NLRP1: variants seen among roughly 807,000 people sequenced by gnomAD.
NLRP1 encodes NACHT, LRR and PYD domains-containing protein 1.
Under a neutral mutation model 136.7 loss-of-function variants are expected in NLRP1, and 94 were observed. The ratio of observed to expected loss-of-function variants is 0.69; its 90% CI spans 0.58 to 0.82. The LOEUF is 0.82. Among genes scored for constraint, NLRP1 ranks in the 40% least tolerant of loss-of-function variants. The pLI, the probability that NLRP1 is intolerant of heterozygous loss-of-function variation, is 0.00. For synonymous variants in NLRP1, 690 were observed against 725.1 expected (o/e 0.95, Z 0.78); for missense variants, 1,575 against 1,802.7 (o/e 0.87, Z 2.29).
intron 11 of NLRP1, among the ~76,000 whole-genome samples, 173 bp downstream of exon 11, chr17:5,532,649 A>G (rs1185489989): frequency 1.3e-5 from 2 of 152,236 alleles, no homozygotes; most frequent in Non-Finnish European, 2.9e-5. Context: ...CCATATGAAA[A>G]GCAGACACCC....
In NLRP1 at chr17:5,526,411, A is replaced by G. The variant is rs142648387; in HGVS notation, c.3520+4070T>C. 9.8e-4 allele frequency among the ~76,000 whole-genome samples: 149 copies of G among 152,302 alleles called. 1 individual carries two copies. The highest frequency in any genetic ancestry group is 3.3e-3 in the African/African-American group (139 of 41,562). ...AGGGATACCACTGTGGTTTCCAGCCATCTCATCTGGTTGAACTCCTGAGTA... is the reference window on the plus strand; with the variant it reads ...AGGGATACCACTGTGGTTTCCAGCCGTCTCATCTGGTTGAACTCCTGAGTA... On this transcript the variant is annotated intron_variant, in intron 12 of 16. Coordinates refer to ENST00000572272, the MANE Select transcript of NLRP1 (RefSeq NM_033004.4).
At chr17:5,564,938 T>C (rs1346608634) in intron 3 of NLRP1, among the ~76,000 whole-genome samples, 1 of 151,982 alleles carries the variant, frequency 6.6e-6, no homozygotes, top group African/African-American at 2.4e-5. Flanking sequence ...GGGGTTTCAC[T>C]GTGTTAGCCA....
At position 5,541,918 on chromosome 17, in the gene NLRP1, C is replaced by T. The variant is rs765440345; in HGVS notation, c.2638G>A (p.Ala880Thr). 6 of 1,614,148 alleles carry T rather than the reference C, an allele frequency of 3.7e-6. No homozygotes were observed. Among genetic ancestry groups the T allele is most frequent in the South Asian group, 3.3e-5 (3 of 91,084 alleles). Residue 880 changes from alanine (A) to threonine (T), a missense_variant, in exon 6 of 17, where the codon GCT becomes ACT. Coordinates refer to ENST00000572272, the MANE Select transcript of NLRP1 (RefSeq NM_033004.4). This position sits in a 1 kb window ranked among gnomAD's most constrained non-coding sequence, Gnocchi z 4.2. ...LDLSFNVLTD[A>T]GAKHLCQRLR... The stretch of plus-strand genomic sequence containing the variant: ...CTCTGGCAAAGGTGTTTGGCTCCAG[C>T]ATCCGTGAGCACATTGAAGCTCAGG...
Position 5,582,594 on chromosome 17 carries a change from A to G in NLRP1, c.448+76T>C, listed in dbSNP as rs926243528. On this transcript the variant is annotated intron_variant, in intron 2 of 16. Coordinates refer to ENST00000572272, the MANE Select transcript of NLRP1 (RefSeq NM_033004.4). ...CCATGTCAGGTCCCCATGCACAGACATGATCCTCTGGGTGGGGCCCACCAG... is the reference window on the plus strand; with the variant it reads ...CCATGTCAGGTCCCCATGCACAGACGTGATCCTCTGGGTGGGGCCCACCAG... 9.8e-5 allele frequency: 139 copies of G among 1,419,310 alleles called. 1 individual carries two copies. In the South Asian group the frequency reaches 1.1e-3, roughly 11 times the overall value. The allele number at this position is 1,419,310 out of a possible 1,614,324, so 87.9% of individuals were successfully genotyped here.
downstream of NLRP1, among the ~76,000 whole-genome samples, chr17:5,510,744 C>T (rs1322236820): frequency 1.3e-5 from 2 of 152,000 alleles, no homozygotes; most frequent in Non-Finnish European, 2.9e-5. Context: ...AACTCCTGGT[C>T]TCAAACTCCT....
downstream of NLRP1, among the ~76,000 whole-genome samples, chr17:5,513,316 G>A (rs1340104123): frequency 6.6e-6 from 1 of 152,048 alleles, no homozygotes; most frequent in Non-Finnish European, 1.5e-5. Context: ...AGTCTCAAAA[G>A]CCTGAGCTCA....
intron 5 of NLRP1, among the ~76,000 whole-genome samples, chr17:5,552,831 G>A (rs919246102): frequency 6.6e-6 from 1 of 152,122 alleles, no homozygotes; most frequent in African/African-American, 2.4e-5. Context: ...CTTACTAATT[G>A]GTTTCCCAGC....
intron 5 of NLRP1, among the ~76,000 whole-genome samples, chr17:5,547,421 C>T (rs537488060): frequency 2.6e-5 from 4 of 152,234 alleles, no homozygotes; most frequent in South Asian, 2.1e-4. Context: ...AATCTGTAAC[C>T]GTTAGAGGCA....
intron 11 of NLRP1, among the ~76,000 whole-genome samples, chr17:5,532,596 T>C (rs749879245): frequency 1.3e-5 from 2 of 152,190 alleles, no homozygotes; most frequent in Non-Finnish European, 2.9e-5. Flanking sequence ...ACTATTTTTG[T>C]ATATGTTTGA....
At chr17:5,506,013 G>A (rs1907313120) in intron 15 of NLRP1, 3 of 152,268 alleles carry the variant, frequency 2.0e-5, no homozygotes, top group African/African-American at 7.2e-5. Flanking sequence ...GGCCAGGTGT[G>A]GTGGCTCATG....
intron 12 of NLRP1, among the ~76,000 whole-genome samples, chr17:5,525,126 A>G (rs1909369069): frequency 6.6e-6 from 1 of 152,206 alleles, no homozygotes; most frequent in Non-Finnish European, 1.5e-5. Flanking sequence ...GGCTGGTTGC[A>G]CCAGAAAAAT....
chr17:5,529,984 A>G (rs1387096069), intron 12 of NLRP1: 2 of 456,506 alleles, frequency 4.4e-6, no homozygotes, highest in African/African-American at 4.0e-5. Flanking sequence ...TGTGATTACT[A>G]TCTTCTATGG....
chr17:5,559,083 T>C lies in NLRP1; in HGVS notation c.1613A>G (p.Glu538Gly), dbSNP rs1398509141. The part of the protein sequence containing the change: ...TCLMQQMKRK[E>G]KLTLTSKTTT... ...GGTCTTGGAAGTCAGTGTGAGTTTT[T>C]CCTTCCGCTTCATCTGCTGCATCAG... The change falls in exon 4 of 17, where the codon GAA becomes GGA. Residue 538 changes from glutamate to glycine, a missense_variant. By Grantham distance (98) the Glu-to-Gly change is moderately conservative. Coordinates refer to ENST00000572272, the MANE Select transcript of NLRP1 (RefSeq NM_033004.4). The C allele has an allele frequency of 6.2e-7, 1 of 1,614,202 alleles. No homozygotes were observed. Among genetic ancestry groups the C allele is most frequent in the South Asian group, 1.1e-5 (1 of 91,084 alleles).
chr17:5,541,718 T>C lies in NLRP1; in HGVS notation c.2699+139A>G, dbSNP rs767010575. 7.2e-5 allele frequency: 59 copies of C among 820,488 alleles called. No homozygotes were observed. Among genetic ancestry groups the C allele is most frequent in the Non-Finnish European group, 1.1e-4 (57 of 521,594 alleles). The allele number at this position is 820,488 out of a possible 1,614,324, so 50.8% of individuals were successfully genotyped here. ...GGGTGGATGAGCTTCCTCCTGAGCC[T>C]CTACTGCCTGGCTGAGATCCTGTAG... is the stretch of plus-strand genomic sequence containing the variant. On this transcript the variant is annotated intron_variant, in intron 6 of 16. Coordinates refer to ENST00000572272, the MANE Select transcript of NLRP1 (RefSeq NM_033004.4). The surrounding 1 kb of genome is among the most constrained non-coding windows in gnomAD (Gnocchi z 4.2).
chr17:5,507,319 A>G (rs550692723), intron 15 of NLRP1, among the ~76,000 whole-genome samples: 1 of 152,342 alleles, frequency 6.6e-6, no homozygotes, highest in South Asian at 2.1e-4. Flanking sequence ...AATAAATTAA[A>G]TTAATTAAAT....
At chr17:5,557,512 G>T (rs1462213449) in intron 4 of NLRP1, among the ~76,000 whole-genome samples, 1 of 152,190 alleles carries the variant, frequency 6.6e-6, no homozygotes, top group Non-Finnish European at 1.5e-5. Flanking sequence ...GTCATTAAAT[G>T]AATGTTTGTC....
chr17:5,559,372 T>G lies in NLRP1; in HGVS notation c.1324A>C (p.Ser442Arg). 1 of 1,614,034 alleles carries G rather than the reference T, an allele frequency of 6.2e-7. No individual in the cohort carries two copies. The highest frequency in any genetic ancestry group is 8.5e-7 in the Non-Finnish European group (1 of 1,179,924). Residue 442 changes from serine to arginine, a missense_variant, in exon 4 of 17, where the codon AGT becomes CGT. Transcript: ENST00000572272. ...QPQPADALLG[S>R]LLGKTILPEA... Reference sequence around the variant, plus strand: ...GGAAGTATAGTTTTCCCCAGCAAACTGCCCAGCAGTGCATCCGCCGGCTGT... The same window carrying G: ...GGAAGTATAGTTTTCCCCAGCAAACGGCCCAGCAGTGCATCCGCCGGCTGT...
In NLRP1 at chr17:5,532,939, G is replaced by A. The variant is rs1453984205; in HGVS notation, c.3179C>T (p.Pro1060Leu). The A allele has an allele frequency of 1.2e-6, 2 of 1,614,076 alleles. No homozygotes were observed. The highest frequency in any genetic ancestry group is 3.3e-5 in the Admixed American group (2 of 60,014). The change falls in exon 11 of 17, where the codon CCT becomes CTT. Residue 1060 changes from proline to leucine, a missense_variant. Transcript: ENST00000572272. Reference protein sequence around the residue: ...EVVPVELLCVPSPASQGDLHT... With the variant: ...EVVPVELLCVLSPASQGDLHT... ...CAGGTCCCCTTGAGAGGCAGGAGAA[G>A]GCACGCACAAGAGTTCCACCGGTAC...
chr17:5,567,702 C>A (rs1163305206), intron 3 of NLRP1, among the ~76,000 whole-genome samples: 1 of 152,022 alleles, frequency 6.6e-6, no homozygotes, highest in African/African-American at 2.4e-5. Flanking sequence ...TAATGTTCTT[C>A]TCTTTCTGAT....
Sources: allele counts gnomAD v4.1 joint callset (sites outside exome capture counted in the v4.1 genomes callset), GRCh38; gene constraint gnomAD v4.1.1; non-coding constraint Gnocchi (gnomAD v3.1); transcripts MANE v1.5; gene names NCBI Gene and HGNC (gene_info 2026-07-23, HGNC 2026-07-21).